C3orf49: variants seen among roughly 807,000 people sequenced by gnomAD.
The protein encoded by C3orf49 is chromosome 3 open reading frame 49, also known as putative uncharacterized protein C3orf49.
In C3orf49, 27 loss-of-function variants were observed where a neutral mutation model predicts 13.3. That is an observed-to-expected ratio of 2.02 (90% CI 1.49 to 2.79). C3orf49 has a LOEUF of 2.79. Ranked by LOEUF, C3orf49 falls within the 30% of genes most tolerant of loss-of-function variation. The pLI is 0.00. For missense variants in C3orf49, 242 were observed against 134.2 expected, an observed-to-expected ratio of 1.80 and a Z score of -3.97; for synonymous variants, 87 against 47.6, an observed-to-expected ratio of 1.83 and a Z score of -3.40.
At chr3:63,841,546 G>A (rs1701761114) in intron 5 of C3orf49, among the ~76,000 whole-genome samples, 1 of 152,152 alleles carries the variant, frequency 6.6e-6, no homozygotes, top group African/African-American at 2.4e-5. Flanking sequence ...AACTTTGGAA[G>A]GCAGATGGCT....
At chr3:63,815,793 A>G (rs977969580), upstream of C3orf49, among the ~76,000 whole-genome samples, 1 of 132,368 alleles carries the variant, frequency 7.6e-6, no homozygotes, top group African/African-American at 3.1e-5. Flanking sequence ...TTTTTGACAG[A>G]GTCTTGCTCT....
At chr3:63,808,817 G>A in the C3orf49 span, among the ~76,000 whole-genome samples, 14 of 152,162 alleles carry the variant, frequency 9.2e-5, no homozygotes, top group African/African-American at 2.7e-4. Context: ...AGGAGAAAAT[G>A]TGATGTATCC....
intron 1 of C3orf49, among the ~76,000 whole-genome samples, chr3:63,820,978 C>T (rs753916844): frequency 2.0e-4 from 31 of 152,248 alleles, no homozygotes; most frequent in Non-Finnish European, 3.5e-4. Flanking sequence ...GGATTTTCCC[C>T]ATAAGTTAAT....
chr3:63,841,578 A>G (rs1391802279), intron 5 of C3orf49, among the ~76,000 whole-genome samples: 1 of 152,190 alleles, frequency 6.6e-6, no homozygotes, highest in Non-Finnish European at 1.5e-5. Context: ...ATATATTGTG[A>G]TAATATCAGA....
At chr3:63,803,521 T>G in the C3orf49 span, among the ~76,000 whole-genome samples, 7 of 152,196 alleles carry the variant, frequency 4.6e-5, no homozygotes, top group Non-Finnish European at 8.8e-5. Context: ...CTAGATCAGC[T>G]AAACAACATG....
chr3:63,781,773 G>A, the C3orf49 span, among the ~76,000 whole-genome samples: 1 of 152,136 alleles, frequency 6.6e-6, no homozygotes, highest in Non-Finnish European at 1.5e-5. Context: ...GTGACCATGA[G>A]CTTAACAAGC....
the C3orf49 span, among the ~76,000 whole-genome samples, chr3:63,792,881 G>T: frequency 3.3e-5 from 5 of 152,068 alleles, no homozygotes; most frequent in Non-Finnish European, 7.3e-5. Flanking sequence ...TGTGTGCGTC[G>T]GCACTATCCA....
chr3:63,822,109 G>A lies in C3orf49; in HGVS notation c.126-1141G>A, dbSNP rs980428969. 2.6e-5 allele frequency among the ~76,000 whole-genome samples: 4 copies of A among 152,038 alleles called. No homozygotes were observed. The South Asian group carries it at 8.3e-4, about 32-fold the overall frequency. ...TCCTGCCTCAGCCTCCCAAGTAGCT[G>A]GGACTACAGGCGCCCGCCACCACGC... On this transcript the variant is annotated intron_variant, in intron 1 of 6. Transcript: ENST00000295896.
intron 5 of C3orf49, chr3:63,838,366 C>T: frequency 6.9e-7 from 1 of 1,457,206 alleles, no homozygotes; most frequent in South Asian, 1.2e-5. Context: ...CATTAAGATT[C>T]TTTACCTATT....
chr3:63,830,410 G>A (rs1022953095), intron 3 of C3orf49, among the ~76,000 whole-genome samples: 2 of 152,320 alleles, frequency 1.3e-5, no homozygotes, highest in African/African-American at 2.4e-5. Context: ...CATTTGTAAA[G>A]GCAAAAGGTA....
intron 2 of C3orf49, chr3:63,827,124 GAT>G (rs759457425): frequency 6.5e-6 from 1 of 152,726 alleles, no homozygotes; most frequent in East Asian, 1.9e-4. Context: ...GCACTGAATT[GAT>G]ATGTTTTAAA....
chr3:63,812,650 T>C, the C3orf49 span, among the ~76,000 whole-genome samples: 1 of 152,206 alleles, frequency 6.6e-6, no homozygotes, highest in Non-Finnish European at 1.5e-5. Flanking sequence ...AGTGGTTGAT[T>C]CTAAAGCAAA....
the C3orf49 span, among the ~76,000 whole-genome samples, chr3:63,806,911 C>G: frequency 6.6e-6 from 1 of 151,736 alleles, no homozygotes; most frequent in Non-Finnish European, 1.5e-5. Context: ...ACTCTAACTG[C>G]AAAAAATGTG....
At chr3:63,829,714 A>C in intron 3 of C3orf49, among the ~76,000 whole-genome samples, 1 of 152,036 alleles carries the variant, frequency 6.6e-6, no homozygotes, top group East Asian at 1.9e-4. Context: ...TAATCCTGGC[A>C]CTTTGGGAGG....
chr3:63,832,469 G>A (rs1486716386), intron 5 of C3orf49, among the ~76,000 whole-genome samples: 1 of 151,968 alleles, frequency 6.6e-6, no homozygotes, highest in African/African-American at 2.4e-5. Flanking sequence ...GACCAGCTTG[G>A]GCAATATAGT....
At chr3:63,804,952 A>C in the C3orf49 span, 1 of 152,208 alleles carries the variant, frequency 6.6e-6, no homozygotes, top group East Asian at 1.9e-4. Context: ...AATAACATAC[A>C]GTAGAAGGTA....
the C3orf49 span, among the ~76,000 whole-genome samples, chr3:63,785,059 C>CT: frequency 1.7e-5 from 2 of 116,212 alleles, no homozygotes; most frequent in African/African-American, 3.4e-5. Context: ...GACTTCTCTT[C>CT]TTCTTCTTTT....
At chr3:63,800,398 G>T in the C3orf49 span, among the ~76,000 whole-genome samples, 1 of 151,994 alleles carries the variant, frequency 6.6e-6, no homozygotes, top group East Asian at 1.9e-4. Flanking sequence ...ATCCAATCGT[G>T]AATTTCAGAT....
chr3:63,801,320 C>A, the C3orf49 span, among the ~76,000 whole-genome samples: 1 of 150,520 alleles, frequency 6.6e-6, no homozygotes, highest in African/African-American at 2.4e-5. Flanking sequence ...TAGAAAGAGA[C>A]AGAGATGAGA....
Sources: gnomAD v4.1 joint callset for allele counts (sites outside exome capture counted in the v4.1 genomes callset) on GRCh38, gnomAD v4.1.1 for gene constraint, MANE v1.5 for transcripts, NCBI Gene and HGNC (gene_info 2026-07-23, HGNC 2026-07-21) for gene names.